The following MET variants were observed in gnomAD, a reference collection of about 807,000 sequenced individuals.
MET encodes MET proto-oncogene, receptor tyrosine kinase, also known as hepatocyte growth factor receptor.
In MET, 48 loss-of-function variants were observed where a neutral mutation model predicts 133.1. The ratio of observed to expected loss-of-function variants is 0.36; its 90% CI spans 0.29 to 0.46. The LOEUF is 0.46. Ranked by LOEUF, MET falls within the 20% of genes least tolerant of loss-of-function variation. The pLI is 1.00. For missense variants in MET, 1,442 were observed against 1,695.9 expected (o/e 0.85, Z 2.63); for synonymous variants, 628 against 616.5 (o/e 1.02, Z -0.28).
intron 15 of MET, 142 bp downstream of exon 15, chr7:116,775,253 T>C: frequency 1.2e-6 from 1 of 801,566 alleles, no homozygotes; most frequent in Middle Eastern, 3.1e-4. Context: ...TTCTGTTCTA[T>C]AGAAATGTAG....
intron 1 of MET, among the ~76,000 whole-genome samples, chr7:116,686,584 C>CA (rs1435714248): frequency 6.6e-6 from 1 of 152,170 alleles, no homozygotes; most frequent in African/African-American, 2.4e-5. Flanking sequence ...TGATGTATCC[C>CA]AAGCATCTGA....
At position 116,798,326 on chromosome 7, in the gene MET, G is replaced by A. The variant is rs14456; in HGVS notation, c.*2202G>A. 5.4e-3 allele frequency: 1,061 copies of A among 196,236 alleles called. 6 individuals are homozygous for A. The highest frequency in any genetic ancestry group is 8.3e-3 in the Non-Finnish European group (787 of 94,292). 12.2% of individuals were successfully genotyped at this position (196,236 alleles called of 1,614,324 possible). A position where few individuals can be genotyped will look rare whatever the true frequency, so the allele number is the denominator to read the frequency against. ...CTGCAGCTGAACTGAATGGTACTTC[G>A]TATGTTAATAGTTGTTCTGATAAAT... On this transcript the variant is annotated 3_prime_UTR_variant, in exon 21 of 21. Transcript: ENST00000397752.
In MET at chr7:116,700,256, G is replaced by T. The variant is rs1584878602; in HGVS notation, c.1172G>T (p.Gly391Val). ...NNVRCLQHFY[G>V]PNHEHCFNRT... Reference sequence around the variant, plus strand: ...GTGAGATGTCTCCAGCATTTTTACGGACCCAATCATGAGCACTGCTTTAAT... The same window carrying T: ...GTGAGATGTCTCCAGCATTTTTACGTACCCAATCATGAGCACTGCTTTAAT... The change falls in exon 2 of 21, where the codon GGA becomes GTA. Residue 391 changes from glycine to valine, a missense_variant. Transcript: ENST00000397752. 1.2e-6 allele frequency: 2 copies of T among 1,603,678 alleles called. No individual in the cohort carries two copies. The highest frequency in any genetic ancestry group is 8.5e-7 in the Non-Finnish European group (1 of 1,178,024).
chr7:116,778,013 T>G (rs1345380298), intron 16 of MET, among the ~76,000 whole-genome samples: 4 of 152,194 alleles, frequency 2.6e-5, no homozygotes, highest in African/African-American at 7.2e-5. Flanking sequence ...AAATGAAACC[T>G]ACCCCTTTTT....
intron 3 of MET, among the ~76,000 whole-genome samples, chr7:116,734,784 A>G (rs1338807065): frequency 1.3e-5 from 2 of 152,242 alleles, no homozygotes; most frequent in South Asian, 4.1e-4. Flanking sequence ...GATGTAGAAC[A>G]GAGTCAGACT....
At chr7:116,714,998 G>C (rs1190917231) in intron 2 of MET, among the ~76,000 whole-genome samples, 1 of 152,068 alleles carries the variant, frequency 6.6e-6, no homozygotes, top group Non-Finnish European at 1.5e-5. Context: ...ATGAAATTGA[G>C]GCTCATTGAT....
At chr7:116,694,057 C>T (rs1190542558) in intron 1 of MET, among the ~76,000 whole-genome samples, 1 of 152,206 alleles carries the variant, frequency 6.6e-6, no homozygotes, top group East Asian at 1.9e-4. Flanking sequence ...TGCACTTGGC[C>T]TCTCAGTTGT....
chr7:116,676,666 G>A (rs1161539896), intron 1 of MET, among the ~76,000 whole-genome samples: 2 of 152,200 alleles, frequency 1.3e-5, no homozygotes, highest in African/African-American at 4.8e-5. Flanking sequence ...AGTGAGGTCA[G>A]GGAAGGCTTG....
Position 116,782,036 on chromosome 7 carries a change from G to A in MET, c.3571G>A (p.Gly1191Ser). The stretch of plus-strand genomic sequence containing the variant: ...TGGCTTTGGTCTTCAAGTAGCCAAA[G>A]GCATGAAATATCTTGCAAGCAAAAA... ...LIGFGLQVAK[G>S]MKYLASKKFV... Residue 1191 changes from glycine (G) to serine (S), a missense_variant, in exon 18 of 21, where the codon GGC (glycine) becomes AGC (serine). By Grantham distance (56) the Gly-to-Ser change is moderately conservative (BLOSUM62 0). This residue lies in a region of MET where 514 missense variants were observed against 659.6 expected (regional missense o/e 0.78). Coordinates refer to ENST00000397752, the MANE Select transcript of MET (RefSeq NM_000245.4). 1.2e-6 allele frequency: 2 copies of A among 1,613,938 alleles called. No homozygotes were observed. The highest frequency in any genetic ancestry group is 1.7e-6 in the Non-Finnish European group (2 of 1,179,936).
intron 3 of MET, among the ~76,000 whole-genome samples, chr7:116,735,709 A>G (rs1299784649): frequency 2.0e-5 from 3 of 152,088 alleles, no homozygotes; most frequent in Non-Finnish European, 4.4e-5. Context: ...AATCAGATAA[A>G]AATATTATCT....
intron 14 of MET, among the ~76,000 whole-genome samples, 158 bp downstream of exon 14, chr7:116,772,147 T>C (rs1794857850): frequency 6.6e-6 from 1 of 152,210 alleles, no homozygotes; most frequent in Non-Finnish European, 1.5e-5. Context: ...ATTACATGGC[T>C]CTTAATTTTA....
chr7:116,725,465 C>CATATATATAT (rs71314626), intron 2 of MET, among the ~76,000 whole-genome samples: 111 of 144,932 alleles, frequency 7.7e-4, no homozygotes, highest in Non-Finnish European at 1.4e-3. Context: ...TTATGATATA[C>CATATATATAT]ATATATATAT....
At chr7:116,715,626 A>T (rs1792160505) in intron 2 of MET, among the ~76,000 whole-genome samples, 3 of 152,226 alleles carry the variant, frequency 2.0e-5, no homozygotes, top group Admixed American at 2.0e-4. Flanking sequence ...AAATGAAGTG[A>T]CCATTTAATA....
At chr7:116,716,473 GAAA>G (rs2116684844) in intron 2 of MET, among the ~76,000 whole-genome samples, 1 of 58,460 alleles carries the variant, frequency 1.7e-5, no homozygotes, top group Admixed American at 1.6e-4. Context: ...GAAAGAGAAA[GAAA>G]GAAAGAAAGA....
intron 2 of MET, among the ~76,000 whole-genome samples, chr7:116,716,498 AAAG>A (rs1792234272): frequency 6.6e-6 from 1 of 150,634 alleles, no homozygotes; most frequent in African/African-American, 2.4e-5. Flanking sequence ...AGAAAGAAAG[AAAG>A]AAAGAAAGAA....
chr7:116,739,760 A>G (rs912334486), intron 3 of MET, among the ~76,000 whole-genome samples, 190 bp from the exon 4 acceptor site: 1 of 152,292 alleles, frequency 6.6e-6, no homozygotes, highest in Middle Eastern at 3.4e-3. Flanking sequence ...TTGGGGGTTC[A>G]GATAATTTGG....
intron 1 of MET, among the ~76,000 whole-genome samples, chr7:116,680,716 TG>T (rs1796322474): frequency 6.6e-6 from 1 of 151,852 alleles, no homozygotes; most frequent in Non-Finnish European, 1.5e-5. Flanking sequence ...CCAAGGTGGG[TG>T]GATGGCTTGA....
At chr7:116,698,591 C>G (rs559392792) in intron 1 of MET, among the ~76,000 whole-genome samples, 1 of 152,300 alleles carries the variant, frequency 6.6e-6, no homozygotes, top group East Asian at 1.9e-4. Context: ...CCTAGTAATT[C>G]TACATGCGCT....
chr7:116,771,175 C>G (rs1366412643), intron 12 of MET, among the ~76,000 whole-genome samples: 1 of 152,184 alleles, frequency 6.6e-6, no homozygotes, highest in Non-Finnish European at 1.5e-5. Context: ...ATGGTACATA[C>G]CACACTGTAC....
Sources: allele counts gnomAD v4.1 joint callset (sites outside exome capture counted in the v4.1 genomes callset), GRCh38; gene constraint gnomAD v4.1.1; regional missense constraint gnomAD v4.1.1; transcripts MANE v1.5; gene names NCBI Gene and HGNC (gene_info 2026-07-23, HGNC 2026-07-21).